The following RGS17 variants were observed in gnomAD, a reference collection of about 807,000 sequenced individuals.
RGS17 encodes the protein regulator of G protein signaling 17.
A neutral mutation model predicts 25.5 loss-of-function variants in RGS17; 12 were observed. The observed-to-expected ratio is 0.47, with a 90% CI of 0.30 to 0.76. RGS17 has a LOEUF of 0.76. Among genes scored for constraint, RGS17 ranks in the 30% least tolerant of loss-of-function variants. The probability of loss-of-function intolerance (pLI) is 0.07; values close to 1 mark genes in which losing one functional copy is unlikely to be tolerated. For missense variants in RGS17, 196 were observed against 242.2 expected, an observed-to-expected ratio of 0.81 and a Z score of 1.27; for synonymous variants, 71 against 76.9, an observed-to-expected ratio of 0.92 and a Z score of 0.40.
intron 1 of RGS17, among the ~76,000 whole-genome samples, chr6:153,128,306 G>A (rs929084958): frequency 6.6e-6 from 1 of 152,124 alleles, no homozygotes; most frequent in Non-Finnish European, 1.5e-5. Flanking sequence ...GCGGTCCTTC[G>A]ATTTGCCCTC....
intron 1 of RGS17, among the ~76,000 whole-genome samples, chr6:153,090,901 A>T (rs780386376): frequency 2.0e-5 from 3 of 152,104 alleles, no homozygotes; most frequent in Non-Finnish European, 4.4e-5. Context: ...GGGTCTTGGA[A>T]CTAATCCCCT....
intron 2 of RGS17, among the ~76,000 whole-genome samples, chr6:153,040,446 A>G (rs1165665557): frequency 6.6e-6 from 1 of 152,210 alleles, no homozygotes; most frequent in East Asian, 1.9e-4. Context: ...TAAAAAACCC[A>G]TAACATGAAG....
chr6:153,017,265 C>T (rs993960180), intron 4 of RGS17, among the ~76,000 whole-genome samples: 2 of 151,970 alleles, frequency 1.3e-5, no homozygotes, highest in African/African-American at 2.4e-5. Context: ...TAAAAAGACA[C>T]AAGTGACTTT....
intron 2 of RGS17, among the ~76,000 whole-genome samples, chr6:153,040,211 G>C (rs1298317457): frequency 6.6e-6 from 1 of 152,138 alleles, no homozygotes; most frequent in Non-Finnish European, 1.5e-5. Flanking sequence ...CTATGACAGA[G>C]ATAGAGAATG....
Position 153,098,057 on chromosome 6 carries a change from T to G in RGS17, c.-26+33067A>C, listed in dbSNP as rs9371671. ...TCACTTCCAAGAGCTGCCAGGAAAG[T>G]AATGACTTAATGGAAAAGTCAGGTT... is the stretch of plus-strand genomic sequence containing the variant. On this transcript the variant is annotated intron_variant, in intron 1 of 4. Transcript: ENST00000206262. 7.0e-3 allele frequency among the ~76,000 whole-genome samples: 1,069 copies of G among 152,234 alleles called. 14 individuals carry two copies. The highest frequency in any genetic ancestry group is 0.054 in the East Asian group (281 of 5,160).
intron 1 of RGS17, among the ~76,000 whole-genome samples, chr6:153,114,779 G>A (rs1777521073): frequency 6.6e-6 from 1 of 152,068 alleles, no homozygotes; most frequent in South Asian, 2.1e-4. Context: ...TTCAACATAT[G>A]GAAATCAATA....
At chr6:153,056,882 G>GTA (rs1776569079) in intron 1 of RGS17, among the ~76,000 whole-genome samples, 4 of 135,454 alleles carry the variant, frequency 3.0e-5, no homozygotes, top group Admixed American at 2.3e-4. Flanking sequence ...GTGTGTGTGT[G>GTA]TTTTCCTGGA....
chr6:153,127,492 T>G (rs563248863), intron 1 of RGS17, among the ~76,000 whole-genome samples: 3 of 152,296 alleles, frequency 2.0e-5, no homozygotes, highest in African/African-American at 7.2e-5. Flanking sequence ...TCATCCCTCT[T>G]GTATGTCTGA....
chr6:153,127,966 G>C (rs1172562382), intron 1 of RGS17, among the ~76,000 whole-genome samples: 2 of 152,180 alleles, frequency 1.3e-5, no homozygotes, highest in East Asian at 3.9e-4. Flanking sequence ...TGGCACAATA[G>C]CAGGAATGAT....
chr6:153,089,532 C>G (rs143984434), intron 1 of RGS17, among the ~76,000 whole-genome samples: 1 of 152,098 alleles, frequency 6.6e-6, no homozygotes, highest in African/African-American at 2.4e-5. Context: ...GTACTTTAGT[C>G]TGCGTGTAAG....
intron 4 of RGS17, among the ~76,000 whole-genome samples, chr6:153,015,738 C>T (rs1669573475): frequency 6.6e-6 from 1 of 151,668 alleles, no homozygotes; most frequent in South Asian, 2.1e-4. Flanking sequence ...ACTGCAAGCT[C>T]CGCCTCCCGG....
intron 1 of RGS17, among the ~76,000 whole-genome samples, chr6:153,075,072 A>C (rs1776859202): frequency 6.6e-6 from 1 of 152,228 alleles, no homozygotes; most frequent in South Asian, 2.1e-4. Context: ...AAGAAACAAT[A>C]TAGATAAATG....
intron 1 of RGS17, among the ~76,000 whole-genome samples, chr6:153,077,872 CTTT>C (rs974804069): frequency 8.2e-6 from 1 of 121,380 alleles, no homozygotes; most frequent in Non-Finnish European, 1.8e-5. Flanking sequence ...CTTACAGTAT[CTTT>C]TTTATTTTTT....
intron 2 of RGS17, among the ~76,000 whole-genome samples, chr6:153,033,360 A>C (rs970381514): frequency 4.6e-5 from 7 of 152,162 alleles, no homozygotes; most frequent in Non-Finnish European, 8.8e-5. Flanking sequence ...TTTAGCATAA[A>C]CAGAGTTTAT....
intron 1 of RGS17, among the ~76,000 whole-genome samples, chr6:153,071,235 T>C (rs1373013802): frequency 1.3e-5 from 2 of 151,122 alleles, no homozygotes; most frequent in Non-Finnish European, 1.5e-5. Flanking sequence ...TAAACACACA[T>C]ACACATAAAC....
chr6:153,068,990 T>C (rs1162872135), intron 1 of RGS17, among the ~76,000 whole-genome samples: 1 of 152,124 alleles, frequency 6.6e-6, no homozygotes, highest in Non-Finnish European at 1.5e-5. Context: ...AGGGAACCAT[T>C]GTACACTGTT....
At chr6:153,084,791 C>T (rs1370731592) in intron 1 of RGS17, among the ~76,000 whole-genome samples, 1 of 152,080 alleles carries the variant, frequency 6.6e-6, no homozygotes, top group Non-Finnish European at 1.5e-5. Context: ...CACACATTTG[C>T]TCTGGAAAAG....
intron 2 of RGS17, among the ~76,000 whole-genome samples, chr6:153,039,476 G>A (rs1239188546): frequency 1.3e-5 from 2 of 152,094 alleles, no homozygotes. Context: ...GATGTGCCAA[G>A]CAGAGGGCAA....
At chr6:153,116,385 G>A (rs1197837942) in intron 1 of RGS17, among the ~76,000 whole-genome samples, 4 of 152,114 alleles carry the variant, frequency 2.6e-5, no homozygotes, top group African/African-American at 7.2e-5. Context: ...ACCATTTCAC[G>A]CCAGTTAGAA....
Sources: gnomAD v4.1 joint callset for allele counts (sites outside exome capture counted in the v4.1 genomes callset) on GRCh38, gnomAD v4.1.1 for gene constraint, MANE v1.5 for transcripts, NCBI Gene and HGNC (gene_info 2026-07-23, HGNC 2026-07-21) for gene names.